NRDC: variants seen among roughly 807,000 people sequenced by gnomAD.
NRDC encodes the protein nardilysin convertase.
NRDC carries 54 observed loss-of-function variants against 147.1 expected under a neutral mutation model. That is an observed-to-expected ratio of 0.37 (90% CI 0.29 to 0.46). NRDC has a LOEUF of 0.46. NRDC is among the 20% of genes least tolerant of loss of function. The pLI is 1.00. For synonymous variants in NRDC, 440 were observed against 482.1 expected (o/e 0.91, Z 1.14); for missense variants, 1,082 against 1,370.6 (o/e 0.79, Z 3.33).
At chr1:51,837,758 A>G in intron 2 of NRDC, 1 of 621,114 alleles carries the variant, frequency 1.6e-6, no homozygotes, top group Non-Finnish European at 2.3e-6. Context: ...CAACCTTGTT[A>G]ATTTATCAAA....
At chr1:51,869,736 T>C (rs945636616) in intron 1 of NRDC, among the ~76,000 whole-genome samples, 1 of 152,216 alleles carries the variant, frequency 6.6e-6, no homozygotes, top group Non-Finnish European at 1.5e-5. Flanking sequence ...CCTTATCCAA[T>C]ATATAAACAG....
chr1:51,839,429 TG>T, intron 2 of NRDC, among the ~76,000 whole-genome samples: 1 of 152,160 alleles, frequency 6.6e-6, no homozygotes, highest in Non-Finnish European at 1.5e-5. Context: ...CCTCTTTGTA[TG>T]TAGACTGTAC....
At chr1:51,838,046 T>C (rs145837227) in intron 2 of NRDC, among the ~76,000 whole-genome samples, 116 of 152,290 alleles carry the variant, frequency 7.6e-4, no homozygotes, top group African/African-American at 2.5e-3. Context: ...TCAACAAATA[T>C]AAACATTTAC....
intron 1 of NRDC, among the ~76,000 whole-genome samples, chr1:51,849,972 A>G (rs995566265): frequency 6.6e-5 from 10 of 152,182 alleles, no homozygotes; most frequent in African/African-American, 2.4e-4. Context: ...TGAGCCCAGG[A>G]GTTCATGATC....
intron 1 of NRDC, among the ~76,000 whole-genome samples, chr1:51,872,150 C>T (rs1571928511): frequency 6.6e-6 from 1 of 152,162 alleles, no homozygotes; most frequent in African/African-American, 2.4e-5. Flanking sequence ...GGATTACAGG[C>T]GTGAGCCACG....
At chr1:51,866,961 T>A (rs1682840182) in intron 1 of NRDC, among the ~76,000 whole-genome samples, 1 of 152,120 alleles carries the variant, frequency 6.6e-6, no homozygotes, top group Non-Finnish European at 1.5e-5. Context: ...TATATGTATG[T>A]TTTATATATA....
chr1:51,842,031 G>C (rs1469769308), intron 1 of NRDC, among the ~76,000 whole-genome samples: 3 of 152,032 alleles, frequency 2.0e-5, no homozygotes, highest in Admixed American at 6.6e-5. Flanking sequence ...AATTAGCCTG[G>C]CATGGTGGCA....
chr1:51,847,348 A>C (rs1681691686), intron 1 of NRDC, among the ~76,000 whole-genome samples: 1 of 152,190 alleles, frequency 6.6e-6, no homozygotes, highest in Admixed American at 6.5e-5. Context: ...CAGCAGGTGG[A>C]ACTGCCTGCC....
intron 2 of NRDC, among the ~76,000 whole-genome samples, chr1:51,838,072 G>T (rs1025249064): frequency 2.6e-5 from 4 of 152,086 alleles, no homozygotes; most frequent in Admixed American, 2.0e-4. Flanking sequence ...ACGATCGTGG[G>T]ATCTTTCCTT....
intron 1 of NRDC, among the ~76,000 whole-genome samples, chr1:51,875,932 T>C (rs1049974883): frequency 1.3e-5 from 2 of 152,184 alleles, no homozygotes; most frequent in Non-Finnish European, 2.9e-5. Flanking sequence ...CAATCATTTT[T>C]GTATATTCAC....
Position 51,825,374 on chromosome 1 carries a change from G to A in NRDC, c.949C>T (p.Leu317Phe). 2 of 1,588,264 alleles carry A rather than the reference G, an allele frequency of 1.3e-6. No individual in the cohort carries two copies. Residue 317 changes from leucine to phenylalanine, a missense_variant, in exon 6 of 31, where the codon CTT becomes TTT. Leu to Phe is a conservative substitution (Grantham distance 22). Coordinates refer to ENST00000352171, the MANE Select transcript of NRDC (RefSeq NM_001101662.2). ...CTGTTTGCATCAGAAGGCCTTGCAA[G>A]TTGATATTCTGTCAATTTTAAATAA... ...EVEAVDSEYQ[L>F]ARPSDANRKE...
At chr1:51,798,127 C>T in intron 22 of NRDC, 122 bp downstream of exon 22, 1 of 964,078 alleles carries the variant, frequency 1.0e-6, no homozygotes, top group Non-Finnish European at 1.6e-6. Context: ...AGGTTCCCTT[C>T]TAAACAGAAT....
At chr1:51,843,311 TAAA>T (rs11326967) in intron 1 of NRDC, among the ~76,000 whole-genome samples, 146 of 139,452 alleles carry the variant, frequency 1.0e-3, no homozygotes, top group Middle Eastern at 3.6e-3. Flanking sequence ...CAAAAAAGGT[TAAA>T]AAAAAAAAAA....
At chr1:51,872,443 A>G (rs544943867) in intron 1 of NRDC, among the ~76,000 whole-genome samples, 2 of 152,324 alleles carry the variant, frequency 1.3e-5, no homozygotes, top group African/African-American at 4.8e-5. Flanking sequence ...GCAGTGGCTC[A>G]TGCCAGTACT....
At chr1:51,844,693 G>A (rs1310641046) in intron 1 of NRDC, among the ~76,000 whole-genome samples, 7 of 149,454 alleles carry the variant, frequency 4.7e-5, no homozygotes, top group Admixed American at 2.0e-4. Context: ...GCAGTGAGCC[G>A]AGATGGCGCC....
intron 1 of NRDC, among the ~76,000 whole-genome samples, chr1:51,867,226 A>C (rs1682855210): frequency 6.6e-6 from 1 of 152,252 alleles, no homozygotes; most frequent in African/African-American, 2.4e-5. Flanking sequence ...TTATGTAACA[A>C]GCCAAAGGAG....
intron 28 of NRDC, 65 bp downstream of exon 28, chr1:51,790,835 T>C: frequency 2.9e-6 from 4 of 1,362,496 alleles, no homozygotes; most frequent in Non-Finnish European, 4.1e-6. Context: ...GGCGAAGCCC[T>C]GTTAAGATTT....
intron 10 of NRDC, among the ~76,000 whole-genome samples, chr1:51,817,105 G>T (rs1389208919): frequency 6.6e-6 from 1 of 152,084 alleles, no homozygotes; most frequent in Non-Finnish European, 1.5e-5. Context: ...GTATATTTCT[G>T]TATATATGAG....
chr1:51,825,159 C>T (rs1391306941), intron 6 of NRDC, 128 bp downstream of exon 6: 10 of 649,556 alleles, frequency 1.5e-5, no homozygotes, highest in Non-Finnish European at 2.6e-5. Flanking sequence ...GAAAGGCTAA[C>T]TAGCTATCCT....
Sources: allele counts gnomAD v4.1 joint callset (sites outside exome capture counted in the v4.1 genomes callset), GRCh38; gene constraint gnomAD v4.1.1; transcripts MANE v1.5; gene names NCBI Gene and HGNC (gene_info 2026-07-23, HGNC 2026-07-21).